The following RPL4 variants were observed in gnomAD, a reference collection of about 807,000 sequenced individuals.
The protein encoded by RPL4 is ribosomal protein L4.
Under a neutral mutation model 47.7 loss-of-function variants are expected in RPL4, and 3 were observed. That is an observed-to-expected ratio of 0.06 (90% CI 0.03 to 0.16). The LOEUF is 0.16. Ranked by LOEUF, RPL4 falls within the 10% of genes least tolerant of loss-of-function variation. RPL4 has a pLI of 1.00. For synonymous variants in RPL4, 208 were observed against 182.1 expected (o/e 1.14, Z -1.15); for missense variants, 413 against 551.3 (o/e 0.75, Z 2.51).
intron 4 of RPL4, chr15:66,502,265 G>C: frequency 2.6e-6 from 1 of 381,506 alleles, no homozygotes; most frequent in Non-Finnish European, 4.8e-6. Flanking sequence ...AATTTAATCA[G>C]ACACTTCAGA....
chr15:66,502,907 T>C (rs775254908), intron 3 of RPL4, 151 bp downstream of exon 3: 3 of 1,333,548 alleles, frequency 2.2e-6, no homozygotes, highest in African/African-American at 1.4e-5. Context: ...ACGACATCAT[T>C]GCAAGCAAAA....
Position 66,503,595 on chromosome 15 carries a change from CCAA to C in RPL4, c.4-69_4-67del, listed in dbSNP as rs1477842624. The C allele has an allele frequency of 3.4e-6, 5 of 1,470,688 alleles. No homozygotes were observed. In the East Asian group the frequency reaches 7.0e-5, roughly 21 times the overall value. The allele number at this position is 1,470,688 out of a possible 1,614,324, so 91.1% of individuals were successfully genotyped here. A position where few individuals can be genotyped will look rare whatever the true frequency, so the allele number is the denominator to read the frequency against. The stretch of plus-strand genomic sequence containing the variant: ...GTTTGAAGCAAACTCTTCTCATACG[CCAA>C]CAATACCATTAAATACTCAATTGCA... On this transcript the variant is annotated intron_variant, in intron 1 of 9. Coordinates refer to ENST00000307961, the MANE Select transcript of RPL4 (RefSeq NM_000968.4).
Position 66,501,983 on chromosome 15 carries a change from T to C in RPL4, c.422-71A>G, listed in dbSNP as rs755122554. ...GAGAAAAAAAAAAAATCAAACATTT[T>C]ATACAACCAATAAAAGCAAAATGGT... On this transcript the variant is annotated intron_variant, in intron 4 of 9. Transcript: ENST00000307961. The C allele has an allele frequency of 7.0e-6, 11 of 1,570,178 alleles. No individual in the cohort carries two copies. In the East Asian group the frequency reaches 1.6e-4, roughly 22 times the overall value.
chr15:66,503,148 A>C lies in RPL4; in HGVS notation c.192T>G (p.Ala64=), dbSNP rs1567035421. Residue 64 remains alanine (A), a synonymous_variant, in exon 3 of 10, where the codon GCT becomes GCG. Transcript: ENST00000307961. The part of the protein sequence containing the change: ...VSELAGHQTS[A]ESWGTGRAVA... ...CAGCTCTGCCAGTACCCCAAGACTC[A>C]GCACTAGTCTGATGACCTAAAATTG... is the stretch of plus-strand genomic sequence containing the variant. 1 of 1,614,074 alleles carries C rather than the reference A, an allele frequency of 6.2e-7. No individual in the cohort carries two copies. The highest frequency in any genetic ancestry group is 2.2e-5 in the East Asian group (1 of 44,882).
In RPL4 at chr15:66,503,410, G is replaced by A. The variant is rs1046438594; in HGVS notation, c.123C>T (p.His41=). 10 of 1,611,088 alleles carry A rather than the reference G, an allele frequency of 6.2e-6. No homozygotes were observed. In the African/African-American group the frequency reaches 1.2e-4, roughly 19 times the overall value. Residue 41 remains histidine, a synonymous_variant, in exon 2 of 10, where the codon CAC becomes CAT. Transcript: ENST00000307961. ...PIRPDIVNFV[H]TNLRKNNRQP... ...GTCTGTTGTTTTTGCGCAAGTTGGT[G>A]TGAACAAAGTTCACAATATCTGGTC...
In RPL4 at chr15:66,503,545, A is replaced by C. The variant is rs752487918; in HGVS notation, c.4-16T>G. 116 of 1,574,338 alleles carry C rather than the reference A, an allele frequency of 7.4e-5. 1 individual carries two copies. In the South Asian group the frequency reaches 8.9e-4, roughly 12 times the overall value. On this transcript the variant is annotated splice_polypyrimidine_tract_variant and intron_variant, in intron 1 of 9. Transcript: ENST00000307961. ...GAGCACACGCCTAAAGAAAAAGACA[A>C]GGATTATTTTTATTGACAAGTAATG...
chr15:66,499,608 T>C lies in RPL4; in HGVS notation c.1083A>G (p.Leu361=). The change falls in exon 10 of 10, where the codon CTA becomes CTG. Residue 361 remains leucine (L), a synonymous_variant. Transcript: ENST00000307961. The stretch of plus-strand genomic sequence containing the variant: ...CCGCCTTCTCATCTGATTTGGCTTG[T>C]AGTGCCGCTGCTGCAGCAGCTGCCT... ...VDKAAAAAAA[L]QAKSDEKAAV... 1.9e-6 allele frequency: 3 copies of C among 1,614,010 alleles called. No individual in the cohort carries two copies. The highest frequency in any genetic ancestry group is 2.5e-6 in the Non-Finnish European group (3 of 1,179,862).
At position 66,499,444 on chromosome 15, in the gene RPL4, T is replaced by C; in HGVS notation, c.1247A>G (p.Lys416Arg). Reference protein sequence around the residue: ...KPAPEKKPAEKKPTTEEKKPA... With the variant: ...KPAPEKKPAERKPTTEEKKPA... ...CTTCTTCTCCTCTGTAGTAGGTTTCTTCTCTGCAGGCTTCTTTTCAGGGGC... is the reference window on the plus strand; with the variant it reads ...CTTCTTCTCCTCTGTAGTAGGTTTCCTCTCTGCAGGCTTCTTTTCAGGGGC... The change falls in exon 10 of 10, where the codon AAG becomes AGG. Residue 416 changes from lysine to arginine, a missense_variant. Transcript: ENST00000307961. 1 of 1,611,892 alleles carries C rather than the reference T, an allele frequency of 6.2e-7. No homozygotes were observed. The highest frequency in any genetic ancestry group is 8.5e-7 in the Non-Finnish European group (1 of 1,179,834).
intron 9 of RPL4, 162 bp from the exon 10 acceptor site, chr15:66,499,814 A>T: frequency 9.9e-7 from 1 of 1,006,006 alleles, no homozygotes; most frequent in South Asian, 1.7e-5. Context: ...ACCTGAGGTC[A>T]GGAGTTTGAG....
Position 66,501,826 on chromosome 15 carries a change from G to A in RPL4, c.508C>T (p.Leu170Phe), listed in dbSNP as rs376940168. ...TTCCAGGCTTTAAGTTTCTTAAGGA[G>A]CAAAACAGCTTCCTTGGTCTTCTTG... ...GYKKTKEAVL[L>F]LKKLKAWNDI... The change falls in exon 5 of 10, where the codon CTC becomes TTC. Residue 170 changes from leucine to phenylalanine, a missense_variant. Physicochemically the swap from Leu to Phe is conservative, Grantham distance 22. This residue lies in a region of RPL4 where 214 missense variants were observed against 304.2 expected (regional missense o/e 0.70). Transcript: ENST00000307961. 1.2e-6 allele frequency: 2 copies of A among 1,611,644 alleles called. No individual in the cohort carries two copies. The highest frequency in any genetic ancestry group is 1.7e-6 in the Non-Finnish European group (2 of 1,179,898).
In RPL4 at chr15:66,501,881, A is replaced by T; in HGVS notation, c.453T>A (p.Pro151=). The part of the protein sequence containing the change: ...GHRIEEVPEL[P]LVVEDKVEGY... ...CTTCAACTTTATCTTCAACTACCAA[A>T]GGAAGTTCAGGAACTTCCTCAATAC... is the stretch of plus-strand genomic sequence containing the variant. Residue 151 remains proline, a synonymous_variant, in exon 5 of 10, where the codon CCT becomes CCA. Transcript: ENST00000307961. 6.2e-7 allele frequency: 1 copy of T among 1,612,220 alleles called. No homozygotes were observed. The highest frequency in any genetic ancestry group is 8.5e-7 in the Non-Finnish European group (1 of 1,179,848).
intron 4 of RPL4, 22 bp from the exon 5 acceptor site, chr15:66,501,934 T>G: frequency 6.3e-7 from 1 of 1,599,716 alleles, no homozygotes; most frequent in Non-Finnish European, 8.5e-7. Context: ...CAATGACACT[T>G]ACTTGGTTAT....
chr15:66,503,779 T>G (rs1202543425), intron 1 of RPL4, among the ~76,000 whole-genome samples: 1 of 152,134 alleles, frequency 6.6e-6, no homozygotes, highest in Non-Finnish European at 1.5e-5. Flanking sequence ...GCACAATAGC[T>G]AAATCAAAAC....
Position 66,500,322 on chromosome 15 carries a change from T to C in RPL4, c.888A>G (p.Pro296=), listed in dbSNP as rs754384992. ...NTDLSRILKS[P]EIQRALRAPR... ...GTGCTCGAAGGGCTCTTTGGATCTCTGGGCTTTTCAAGATTCTGCTAAGAT... is the reference window on the plus strand; with the variant it reads ...GTGCTCGAAGGGCTCTTTGGATCTCCGGGCTTTTCAAGATTCTGCTAAGAT... Residue 296 remains proline, a synonymous_variant, in exon 8 of 10, where the codon CCA becomes CCG. Transcript: ENST00000307961. The C allele has an allele frequency of 3.7e-6, 6 of 1,614,210 alleles. No homozygotes were observed. The highest frequency in any genetic ancestry group is 1.1e-5 in the South Asian group (1 of 91,082).
chr15:66,499,088 C>T lies in RPL4; in HGVS notation c.*319G>A, dbSNP rs1356807633. 2.1e-5 allele frequency: 5 copies of T among 234,744 alleles called. No individual in the cohort carries two copies. The highest frequency in any genetic ancestry group is 3.3e-5 in the Non-Finnish European group (4 of 120,110). The allele number at this position is 234,744 out of a possible 1,614,324, so 14.5% of individuals were successfully genotyped here. ...CATCTGGTGGGGAGCTAAACTTGAA[C>T]AGCCTCTGCGTTTCTGACCAAGTCC... On this transcript the variant is annotated 3_prime_UTR_variant, in exon 10 of 10. Coordinates refer to ENST00000307961, the MANE Select transcript of RPL4 (RefSeq NM_000968.4).
At chr15:66,501,753 G>T in intron 5 of RPL4, 35 bp downstream of exon 5, 1 of 1,602,590 alleles carries the variant, frequency 6.2e-7, no homozygotes, top group South Asian at 1.1e-5. Flanking sequence ...TGTGAACAAG[G>T]AGTACCAAAC....
intron 4 of RPL4, chr15:66,502,191 CTAG>C (rs532276514): frequency 9.5e-5 from 48 of 506,750 alleles, no homozygotes; most frequent in African/African-American, 8.6e-4. Context: ...CCCAGTTACG[CTAG>C]TATTCCCTGA....
rs1466630327 is a variant in RPL4 at position 66,500,038 on chromosome 15, A to G, written c.1038+18T>C. 3.4e-5 allele frequency: 54 copies of G among 1,611,210 alleles called. No homozygotes were observed. Among genetic ancestry groups the G allele is most frequent in the Non-Finnish European group, 4.4e-5 (52 of 1,179,636 alleles). ...ATTCCGACTCAAAAACAAACAAACA[A>G]ACAAAAACTCCACTCACATTCCTGG... On this transcript the variant is annotated intron_variant, in intron 9 of 9. Transcript: ENST00000307961.
chr15:66,501,575 C>T (rs569097395), intron 5 of RPL4, 71 bp from the exon 6 acceptor site: 5 of 1,588,582 alleles, frequency 3.1e-6, no homozygotes, highest in South Asian at 1.1e-5. Flanking sequence ...AGTTTTAATT[C>T]CTTTTTACAG....
Sources: allele counts gnomAD v4.1 joint callset (sites outside exome capture counted in the v4.1 genomes callset), GRCh38; gene constraint gnomAD v4.1.1; regional missense constraint gnomAD v4.1.1; transcripts MANE v1.5; gene names NCBI Gene and HGNC (gene_info 2026-07-23, HGNC 2026-07-21).